Variants in NAALAD2 observed in about 807,000 individuals in gnomAD.
NAALAD2 encodes N-acetylated alpha-linked acidic dipeptidase 2, also known as N-acetylated-alpha-linked acidic dipeptidase 2.
Under a neutral mutation model 95.6 loss-of-function variants are expected in NAALAD2, and 89 were observed. The observed-to-expected ratio is 0.93, with a 90% CI of 0.78 to 1.11. NAALAD2 has a LOEUF of 1.11. Ranked by LOEUF, NAALAD2 falls within the 50% of genes least tolerant of loss-of-function variation. The pLI, the probability that NAALAD2 is intolerant of heterozygous loss-of-function variation, is 0.00. For missense variants in NAALAD2, 894 were observed against 872.4 expected, an observed-to-expected ratio of 1.02 and a Z score of -0.31; for synonymous variants, 264 against 294.4, an observed-to-expected ratio of 0.90 and a Z score of 1.06.
chr11:90,158,888 C>A (rs1416328905), intron 7 of NAALAD2: 1 of 238,784 alleles, frequency 4.2e-6, no homozygotes, highest in Non-Finnish European at 8.1e-6. Context: ...CATTTCTTCT[C>A]CTTAATGCAG....
intron 13 of NAALAD2, among the ~76,000 whole-genome samples, chr11:90,171,548 G>T (rs75898894): frequency 0.038 from 5,816 of 152,266 alleles, 154 homozygotes; most frequent in Non-Finnish European, 0.057. Context: ...TGGCCTTGAT[G>T]TCAGGAATGA....
At chr11:90,181,570 C>T (rs1952968866) in intron 16 of NAALAD2, 50 bp from the exon 17 acceptor site, 1 of 1,310,606 alleles carries the variant, frequency 7.6e-7, no homozygotes, top group East Asian at 2.3e-5. Flanking sequence ...GGAAAGCGAA[C>T]CTCTGAAATA....
At chr11:90,191,063 C>T (rs1042191904) in intron 18 of NAALAD2, among the ~76,000 whole-genome samples, 8 of 152,050 alleles carry the variant, frequency 5.3e-5, no homozygotes, top group East Asian at 3.9e-4. Context: ...GTGGAATGGA[C>T]GTCATTATCC....
At chr11:90,185,323 A>G (rs889775296) in intron 18 of NAALAD2, among the ~76,000 whole-genome samples, 4 of 152,088 alleles carry the variant, frequency 2.6e-5, no homozygotes, top group African/African-American at 7.2e-5. Context: ...ACCCATTTAT[A>G]TTTACATAAA....
rs756399295 is a variant in NAALAD2, at chr11:90,191,731, TGAAA to T, written c.2211_2214del (p.Glu738TyrfsTer11). The T allele has an allele frequency of 5.7e-6, 9 of 1,586,522 alleles. No homozygotes were observed. The highest frequency in any genetic ancestry group is 8.6e-7 in the Non-Finnish European group (1 of 1,167,596). On this transcript the variant is annotated frameshift_variant, in exon 19 of 19. Transcript: ENST00000534061. LOFTEE classifies it high-confidence loss of function. ...ACAATTCAAGCAGCAGCAGGAACTCTGAAAGAAGTATTATAGAAGGTCTCAAGTG... is the reference window on the plus strand; with the variant it reads ...ACAATTCAAGCAGCAGCAGGAACTCTGAAGTATTATAGAAGGTCTCAAGTG...
chr11:90,135,395 G>A (rs1951428829), intron 1 of NAALAD2, among the ~76,000 whole-genome samples, 164 bp from the exon 2 acceptor site: 1 of 152,070 alleles, frequency 6.6e-6, no homozygotes. Context: ...AGAATTTACA[G>A]GTTTTCTGCA....
intron 2 of NAALAD2, among the ~76,000 whole-genome samples, chr11:90,147,042 G>A (rs1951765185): frequency 6.6e-6 from 1 of 152,112 alleles, no homozygotes; most frequent in African/African-American, 2.4e-5. Context: ...TGGTATAGAA[G>A]TATGACATTC....
chr11:90,185,451 G>A (rs75558911), intron 18 of NAALAD2, among the ~76,000 whole-genome samples: 3,922 of 152,042 alleles, frequency 0.026, 72 homozygotes, highest in East Asian at 0.056. Flanking sequence ...AAGGAGGATC[G>A]CTTGAGGCCA....
chr11:90,142,028 G>A (rs1951632324), intron 2 of NAALAD2, among the ~76,000 whole-genome samples: 2 of 152,116 alleles, frequency 1.3e-5, no homozygotes, highest in Admixed American at 1.3e-4. Flanking sequence ...TAAGTATGAT[G>A]TAGCTGTCGT....
At chr11:90,158,512 A>T (rs1298051492) in intron 7 of NAALAD2, 1 of 296,042 alleles carries the variant, frequency 3.4e-6, no homozygotes, top group Non-Finnish European at 6.2e-6. Context: ...GAGATTTTTC[A>T]AGCAATTGAA....
chr11:90,167,554 T>C (rs1952507410), intron 11 of NAALAD2, among the ~76,000 whole-genome samples: 1 of 152,186 alleles, frequency 6.6e-6, no homozygotes, highest in African/African-American at 2.4e-5. Flanking sequence ...GGCAGGCAGC[T>C]CCACCTGTGG....
At chr11:90,149,153 T>G (rs1216719200) in intron 4 of NAALAD2, 46 bp downstream of exon 4, 14 of 1,307,762 alleles carry the variant, frequency 1.1e-5, no homozygotes, top group Non-Finnish European at 1.5e-5. Context: ...ATGGTTCTTT[T>G]GCTATGTAAA....
At chr11:90,179,010 CTTCG>C (rs1952888877) in intron 16 of NAALAD2, among the ~76,000 whole-genome samples, 1 of 152,092 alleles carries the variant, frequency 6.6e-6, no homozygotes, top group Non-Finnish European at 1.5e-5. Flanking sequence ...TTTACCAGTT[CTTCG>C]TTATGTGACC....
At chr11:90,169,790 C>T (rs1952580998) in intron 12 of NAALAD2, 4 of 346,258 alleles carry the variant, frequency 1.2e-5, no homozygotes, top group South Asian at 4.4e-5. Flanking sequence ...CCAAAGTGCC[C>T]CTAAGAATTG....
At chr11:90,135,380 A>C (rs1487806368) in intron 1 of NAALAD2, among the ~76,000 whole-genome samples, 179 bp from the exon 2 acceptor site, 2 of 152,222 alleles carry the variant, frequency 1.3e-5, no homozygotes, top group East Asian at 1.9e-4. Flanking sequence ...ATTATATTAC[A>C]TATCAGAATT....
intron 11 of NAALAD2, among the ~76,000 whole-genome samples, chr11:90,164,706 C>T (rs575287553): frequency 6.6e-6 from 1 of 152,276 alleles, no homozygotes; most frequent in South Asian, 2.1e-4. Context: ...GCTCCCTTCT[C>T]TCTTCATCTT....
At chr11:90,189,484 T>G (rs893180108) in intron 18 of NAALAD2, among the ~76,000 whole-genome samples, 91 of 152,294 alleles carry the variant, frequency 6.0e-4, no homozygotes, top group African/African-American at 2.1e-3. Flanking sequence ...TAGAAACATT[T>G]GTGGCCGGGC....
intron 6 of NAALAD2, among the ~76,000 whole-genome samples, chr11:90,155,567 A>G (rs1182221811): frequency 1.2e-5 from 1 of 82,110 alleles, no homozygotes. Flanking sequence ...TGTAATATAT[A>G]ATATATAATA....
chr11:90,161,702 G>C (rs1952303870), intron 8 of NAALAD2, among the ~76,000 whole-genome samples: 1 of 152,092 alleles, frequency 6.6e-6, no homozygotes, highest in African/African-American at 2.4e-5. Flanking sequence ...CTATGTTTTT[G>C]TTTAGACTAA....
Sources: allele counts gnomAD v4.1 joint callset (sites outside exome capture counted in the v4.1 genomes callset), GRCh38; gene constraint gnomAD v4.1.1; transcripts MANE v1.5; gene names NCBI Gene and HGNC (gene_info 2026-07-23, HGNC 2026-07-21).